The following RCAN1 variants were observed in gnomAD, a reference collection of about 807,000 sequenced individuals.
The protein encoded by RCAN1 is regulator of calcineurin 1.
In RCAN1, 11 loss-of-function variants were observed where a neutral mutation model predicts 22.9. The observed-to-expected ratio is 0.48, with a 90% CI of 0.30 to 0.79. RCAN1 has a LOEUF of 0.79. Ranked by LOEUF, RCAN1 falls within the 30% of genes least tolerant of loss-of-function variation. RCAN1 has a pLI of 0.06. For missense variants in RCAN1, 291 were observed against 337.8 expected (o/e 0.86, Z 1.09); for synonymous variants, 136 against 142.3 (o/e 0.96, Z 0.32).
At chr21:34,568,755 T>A (rs1331429671) in intron 1 of RCAN1, among the ~76,000 whole-genome samples, 1 of 152,240 alleles carries the variant, frequency 6.6e-6, no homozygotes, top group Admixed American at 6.5e-5. Context: ...TCAAGTCTGA[T>A]TTCATTTCAT....
chr21:34,554,177 T>C (rs538878498), intron 1 of RCAN1, among the ~76,000 whole-genome samples: 16 of 152,356 alleles, frequency 1.1e-4, no homozygotes, highest in African/African-American at 3.8e-4. Flanking sequence ...CTTCTTTCTT[T>C]GAGACAGAAA....
At position 34,614,463 on chromosome 21, in the gene RCAN1, C is replaced by T. The variant is rs910961298; in HGVS notation, c.252+297G>A. 7.1e-5 allele frequency: 72 copies of T among 1,020,214 alleles called. No individual in the cohort carries two copies. Among genetic ancestry groups the T allele is most frequent in the Non-Finnish European group, 7.7e-5 (66 of 853,522 alleles). 63.2% of individuals were successfully genotyped at this position (1,020,214 alleles called of 1,614,324 possible). ...CGCAGGGGGCGGCGGCGCTGCCCCACCTTGGGGAGCGAATTCACCCCCCTA... is the reference window on the plus strand; with the variant it reads ...CGCAGGGGGCGGCGGCGCTGCCCCATCTTGGGGAGCGAATTCACCCCCCTA... On this transcript the variant is annotated intron_variant, in intron 1 of 3. Transcript: ENST00000313806. The surrounding 1 kb of genome is among the most constrained non-coding windows in gnomAD (Gnocchi z 6.0).
intron 1 of RCAN1, among the ~76,000 whole-genome samples, chr21:34,535,054 C>T (rs1288235384): frequency 6.6e-6 from 1 of 152,186 alleles, no homozygotes; most frequent in Non-Finnish European, 1.5e-5. Flanking sequence ...ATAAAGTATC[C>T]AGCATATAGG....
At chr21:34,529,403 C>T (rs1985252739) in intron 1 of RCAN1, among the ~76,000 whole-genome samples, 1 of 152,204 alleles carries the variant, frequency 6.6e-6, no homozygotes, top group African/African-American at 2.4e-5. Context: ...CACAGGGTTT[C>T]CTGGGACACC....
chr21:34,600,439 G>C (rs975590723), intron 1 of RCAN1, among the ~76,000 whole-genome samples: 1 of 151,978 alleles, frequency 6.6e-6, no homozygotes, highest in Non-Finnish European at 1.5e-5. Flanking sequence ...TTTCTGAAAA[G>C]GTCTGTTTTT....
At chr21:34,553,917 C>T (rs909425983) in intron 1 of RCAN1, among the ~76,000 whole-genome samples, 1 of 152,288 alleles carries the variant, frequency 6.6e-6, no homozygotes, top group African/African-American at 2.4e-5. Flanking sequence ...CTCTGTAAGA[C>T]GGCATGTCAT....
intron 1 of RCAN1, among the ~76,000 whole-genome samples, chr21:34,589,031 T>G (rs770162603): frequency 2.0e-5 from 3 of 152,182 alleles, no homozygotes; most frequent in Non-Finnish European, 2.9e-5. Flanking sequence ...GGAGTTGATG[T>G]TTGACGGATA....
Position 34,518,376 on chromosome 21 carries a change from A to T in RCAN1, c.587-120T>A. On this transcript the variant is annotated intron_variant, in intron 3 of 3. Coordinates refer to ENST00000313806, the MANE Select transcript of RCAN1 (RefSeq NM_004414.7). This position sits in a 1 kb window ranked among gnomAD's most constrained non-coding sequence, Gnocchi z 4.2. ...TGCTCGTGACCATTCGATTGGGCTG[A>T]GAGACACAGCCAGACATATTTTGGG... The T allele has an allele frequency of 3.0e-6, 3 of 1,006,532 alleles. No homozygotes were observed. The highest frequency in any genetic ancestry group is 2.9e-6 in the Non-Finnish European group (2 of 697,578). The allele number at this position is 1,006,532 out of a possible 1,614,324, so 62.4% of individuals were successfully genotyped here. A position where few individuals can be genotyped will look rare whatever the true frequency, so the allele number is the denominator to read the frequency against.
At chr21:34,554,463 G>A (rs554607634) in intron 1 of RCAN1, among the ~76,000 whole-genome samples, 5 of 152,250 alleles carry the variant, frequency 3.3e-5, no homozygotes, top group South Asian at 2.1e-4. Context: ...GGTGAGAGGC[G>A]GATCAGGAAT....
chr21:34,565,597 G>A (rs1354454585), intron 1 of RCAN1, among the ~76,000 whole-genome samples: 1 of 152,184 alleles, frequency 6.6e-6, no homozygotes, highest in Non-Finnish European at 1.5e-5. Flanking sequence ...ACTTATATGA[G>A]TGTGTGTGTA....
chr21:34,614,899 C>A lies in RCAN1; in HGVS notation c.113G>T (p.Gly38Val). ...GCCGCCCTCGTCCGCCTCGGCCGCC[C>A]CCGAGAGGGGCGCGAAGGGCCGCAG... ...VTLRPFAPLS[G>V]AAEADEGGGD... Residue 38 changes from glycine to valine, a missense_variant, in exon 1 of 4, where the codon GGG (glycine) becomes GTG (valine). Transcript: ENST00000313806. The surrounding 1 kb of genome is among the most constrained non-coding windows in gnomAD (Gnocchi z 6.0). The A allele has an allele frequency of 7.0e-7, 1 of 1,432,008 alleles. No homozygotes were observed. The highest frequency in any genetic ancestry group is 9.2e-7 in the Non-Finnish European group (1 of 1,086,466). The allele number at this position is 1,432,008 out of a possible 1,614,324, so 88.7% of individuals were successfully genotyped here. A position where few individuals can be genotyped will look rare whatever the true frequency, so the allele number is the denominator to read the frequency against.
chr21:34,610,908 T>G (rs981230623), intron 1 of RCAN1, among the ~76,000 whole-genome samples: 1 of 152,054 alleles, frequency 6.6e-6, no homozygotes, highest in Non-Finnish European at 1.5e-5. Flanking sequence ...GTTGTTTTTG[T>G]TTTTTTTAGG....
chr21:34,605,922 A>G (rs774853698), intron 1 of RCAN1, among the ~76,000 whole-genome samples: 1 of 11,506 alleles, frequency 8.7e-5, no homozygotes, highest in Non-Finnish European at 1.7e-4. Context: ...TCGGTCTCAG[A>G]AAAAAAAAAA....
chr21:34,571,290 T>C (rs889149394), intron 1 of RCAN1, among the ~76,000 whole-genome samples: 4 of 152,086 alleles, frequency 2.6e-5, no homozygotes, highest in Non-Finnish European at 1.5e-5. Flanking sequence ...CGAAACTCCA[T>C]CTCCAAAAAT....
chr21:34,583,311 G>T (rs117497523), intron 1 of RCAN1, among the ~76,000 whole-genome samples: 5,327 of 151,914 alleles, frequency 0.035, 138 homozygotes, highest in South Asian at 0.062. Context: ...CCAAGTAGCT[G>T]GGATTACAGT....
intron 1 of RCAN1, among the ~76,000 whole-genome samples, chr21:34,590,594 C>T (rs1472039226): frequency 2.6e-5 from 4 of 152,206 alleles, no homozygotes; most frequent in Admixed American, 2.6e-4. Context: ...TTTCATCCTC[C>T]TCCCATCCCA....
chr21:34,539,934 C>G (rs1218382120), intron 1 of RCAN1, among the ~76,000 whole-genome samples: 2 of 152,236 alleles, frequency 1.3e-5, no homozygotes, highest in Non-Finnish European at 2.9e-5. Context: ...CTGAGCCATT[C>G]TCACTGGAGT....
At chr21:34,613,769 T>G in intron 1 of RCAN1, 1 of 1,489,478 alleles carries the variant, frequency 6.7e-7, no homozygotes, top group South Asian at 1.3e-5. Context: ...ATATAAATTA[T>G]AAATAAATGA....
intron 1 of RCAN1, among the ~76,000 whole-genome samples, chr21:34,573,242 G>A (rs866966819): frequency 2.6e-5 from 4 of 151,986 alleles, no homozygotes; most frequent in South Asian, 2.1e-4. Context: ...TTTTTTTCTC[G>A]GTTCTTCTTG....
Sources: allele counts gnomAD v4.1 joint callset (sites outside exome capture counted in the v4.1 genomes callset), GRCh38; gene constraint gnomAD v4.1.1; non-coding constraint Gnocchi (gnomAD v3.1); transcripts MANE v1.5; gene names NCBI Gene and HGNC (gene_info 2026-07-23, HGNC 2026-07-21).